Variants in ANO6 observed in about 807,000 individuals in gnomAD.
ANO6 encodes anoctamin-6.
In ANO6, 106 loss-of-function variants were observed where a neutral mutation model predicts 117.5. The observed-to-expected ratio is 0.90, with a 90% CI of 0.77 to 1.06. The LOEUF (loss-of-function observed/expected upper bound fraction) is 1.06. ANO6 is among the 50% of genes least tolerant of loss of function. The pLI, the probability that ANO6 is intolerant of heterozygous loss-of-function variation, is 0.00. For missense variants in ANO6, 955 were observed against 1,121.1 expected (o/e 0.85, Z 2.12); for synonymous variants, 367 against 385.1 (o/e 0.95, Z 0.55).
At chr12:45,359,272 A>G (rs577287899) in intron 8 of ANO6, among the ~76,000 whole-genome samples, 13 of 152,306 alleles carry the variant, frequency 8.5e-5, no homozygotes, top group African/African-American at 2.9e-4. Context: ...TAAATATTTT[A>G]AATGTTTTCT....
chr12:45,354,018 A>C (rs11182993), intron 7 of ANO6, among the ~76,000 whole-genome samples: 1,641 of 152,300 alleles, frequency 0.011, 28 homozygotes, highest in African/African-American at 0.038. Flanking sequence ...ACAATGTATA[A>C]ATAATAGGAT....
intron 1 of ANO6, among the ~76,000 whole-genome samples, chr12:45,234,018 T>C (rs1167381980): frequency 6.6e-6 from 1 of 152,250 alleles, no homozygotes; most frequent in African/African-American, 2.4e-5. Context: ...TCGTTTCTTA[T>C]AGGTAGCAGA....
intron 1 of ANO6, among the ~76,000 whole-genome samples, chr12:45,289,896 C>T (rs1047629261): frequency 2.0e-5 from 3 of 152,192 alleles, no homozygotes; most frequent in Non-Finnish European, 4.4e-5. Flanking sequence ...GTAGTTATTA[C>T]AGGCTCACAA....
intron 18 of ANO6, among the ~76,000 whole-genome samples, chr12:45,422,044 G>A (rs1345198107): frequency 6.6e-6 from 1 of 152,172 alleles, no homozygotes; most frequent in South Asian, 2.1e-4. Context: ...AAATGTTTGT[G>A]TTACACCTAG....
intron 9 of ANO6, among the ~76,000 whole-genome samples, chr12:45,372,027 G>C (rs1941854802): frequency 6.6e-6 from 1 of 152,102 alleles, no homozygotes. Flanking sequence ...GGAGCTGATG[G>C]AGCTGAAAGC....
chr12:45,337,903 AAAAT>A (rs1940872328), intron 3 of ANO6, among the ~76,000 whole-genome samples: 1 of 152,092 alleles, frequency 6.6e-6, no homozygotes, highest in Non-Finnish European at 1.5e-5. Context: ...TTTATCAATT[AAAAT>A]AAATATAAAT....
chr12:45,423,215 ATACTC>A (rs1943411488), intron 19 of ANO6, among the ~76,000 whole-genome samples, 153 bp downstream of exon 19: 1 of 152,212 alleles, frequency 6.6e-6, no homozygotes, highest in Non-Finnish European at 1.5e-5. Context: ...TGACCTGAAA[ATACTC>A]AACTTCATTA....
At chr12:45,247,839 A>G (rs1353934528) in intron 1 of ANO6, among the ~76,000 whole-genome samples, 1 of 152,202 alleles carries the variant, frequency 6.6e-6, no homozygotes, top group Non-Finnish European at 1.5e-5. Flanking sequence ...CAAAGGCCCC[A>G]TCTCTCCATA....
chr12:45,283,875 C>G (rs1161044948), intron 1 of ANO6, among the ~76,000 whole-genome samples: 1 of 152,198 alleles, frequency 6.6e-6, no homozygotes, highest in Admixed American at 6.5e-5. Context: ...TCACAACAAC[C>G]TCTTAGATTG....
chr12:45,249,039 G>A (rs1197578339), intron 1 of ANO6, among the ~76,000 whole-genome samples: 1 of 152,190 alleles, frequency 6.6e-6, no homozygotes, highest in Non-Finnish European at 1.5e-5. Flanking sequence ...TCCTCAGGTT[G>A]TCTTAAAATC....
At chr12:45,351,797 G>A (rs1424953235) in intron 7 of ANO6, among the ~76,000 whole-genome samples, 6 of 152,138 alleles carry the variant, frequency 3.9e-5, no homozygotes, top group South Asian at 2.1e-4. Context: ...TGGCAGGAGC[G>A]CCGAAAAGAG....
In ANO6 at chr12:45,298,844, C is replaced by T. The variant is rs77348936; in HGVS notation, c.71-3170C>T. Among the ~76,000 whole-genome samples, 1,461 of 152,176 alleles carry T rather than the reference C, an allele frequency of 9.6e-3. 25 individuals carry two copies. Among genetic ancestry groups the T allele is most frequent in the African/African-American group, 0.033 (1,375 of 41,534 alleles). ...AAAATGCATACTTTCTTAAGCTTGT[C>T]TTTTCATTTAGAAAAAAGAAAAAAA... On this transcript the variant is annotated intron_variant, in intron 1 of 19. Coordinates refer to ENST00000320560, the MANE Select transcript of ANO6 (RefSeq NM_001025356.3).
At chr12:45,253,579 G>A (rs1342342827) in intron 1 of ANO6, among the ~76,000 whole-genome samples, 1 of 152,066 alleles carries the variant, frequency 6.6e-6, no homozygotes, top group Non-Finnish European at 1.5e-5. Context: ...CTTACAACAA[G>A]GATTTAAGGC....
intron 1 of ANO6, among the ~76,000 whole-genome samples, chr12:45,282,020 T>A (rs941710345): frequency 1.8e-4 from 27 of 152,042 alleles, no homozygotes; most frequent in African/African-American, 6.0e-4. Flanking sequence ...TTCAGCACCA[T>A]AGGAGAGTGA....
At chr12:45,396,020 G>A (rs1327473145) in intron 12 of ANO6, among the ~76,000 whole-genome samples, 3 of 152,060 alleles carry the variant, frequency 2.0e-5, no homozygotes, top group Non-Finnish European at 2.9e-5. Context: ...AGAAATAAAG[G>A]GTATTCAATT....
At chr12:45,392,173 A>AG (rs1244885415) in intron 12 of ANO6, among the ~76,000 whole-genome samples, 1 of 152,226 alleles carries the variant, frequency 6.6e-6, no homozygotes, top group African/African-American at 2.4e-5. Context: ...CCAAGGTCTT[A>AG]GCAACCAGCA....
At chr12:45,360,900 G>C (rs571971930) in intron 8 of ANO6, among the ~76,000 whole-genome samples, 1 of 152,286 alleles carries the variant, frequency 6.6e-6, no homozygotes, top group African/African-American at 2.4e-5. Flanking sequence ...AAAAATTTAA[G>C]AGTTTGTTTA....
At chr12:45,314,414 G>A (rs867730963) in intron 2 of ANO6, among the ~76,000 whole-genome samples, 1 of 145,552 alleles carries the variant, frequency 6.9e-6, no homozygotes, top group African/African-American at 2.5e-5. Context: ...TTCAAAACCA[G>A]CCTGGGCAAC....
chr12:45,230,946 A>C (rs1373488115), intron 1 of ANO6, among the ~76,000 whole-genome samples: 22 of 152,154 alleles, frequency 1.4e-4, no homozygotes, highest in Admixed American at 1.4e-3. Context: ...TGTCTCTACA[A>C]AAATATAAAA....
Sources: gnomAD v4.1 joint callset for allele counts (sites outside exome capture counted in the v4.1 genomes callset) on GRCh38, gnomAD v4.1.1 for gene constraint, MANE v1.5 for transcripts, NCBI Gene and HGNC (gene_info 2026-07-23, HGNC 2026-07-21) for gene names.